OTULIN: variants seen among roughly 807,000 people sequenced by gnomAD.
OTULIN encodes the protein OTU deubiquitinase with linear linkage specificity, also known as ubiquitin thioesterase otulin.
In OTULIN, 15 loss-of-function variants were observed where a neutral mutation model predicts 39.6. That is an observed-to-expected ratio of 0.38 (90% CI 0.25 to 0.58). The LOEUF (loss-of-function observed/expected upper bound fraction) is 0.58. OTULIN is among the 20% of genes least tolerant of loss of function. The pLI is 0.66. For missense variants in OTULIN, 319 were observed against 445.9 expected, an observed-to-expected ratio of 0.72 and a Z score of 2.56; for synonymous variants, 156 against 170.3, an observed-to-expected ratio of 0.92 and a Z score of 0.65.
At chr5:14,667,431 G>T (rs1735878176) in intron 1 of OTULIN, among the ~76,000 whole-genome samples, 1 of 152,224 alleles carries the variant, frequency 6.6e-6, no homozygotes, top group African/African-American at 2.4e-5. Flanking sequence ...TTGGAGTGCA[G>T]TGACAATCAT....
intron 5 of OTULIN, 104 bp downstream of exon 5, chr5:14,687,750 T>C: frequency 7.1e-7 from 1 of 1,412,200 alleles, no homozygotes; most frequent in Non-Finnish European, 9.4e-7. Flanking sequence ...TCAAATGCTC[T>C]TGGCTGATTT....
At chr5:14,678,823 A>C in intron 3 of OTULIN, 48 bp downstream of exon 3, 1 of 1,285,194 alleles carries the variant, frequency 7.8e-7, no homozygotes, top group Non-Finnish European at 1.1e-6. Flanking sequence ...ATAGTCTATC[A>C]TAAGTTGTTT....
intron 6 of OTULIN, among the ~76,000 whole-genome samples, 196 bp from the exon 7 acceptor site, chr5:14,692,658 T>C (rs375628359): frequency 4.0e-5 from 6 of 150,766 alleles, no homozygotes; most frequent in African/African-American, 9.8e-5. Context: ...ATCAGACATA[T>C]GATCCATTCT....
intron 2 of OTULIN, among the ~76,000 whole-genome samples, chr5:14,674,774 A>T (rs147127325): frequency 1.9e-4 from 29 of 152,264 alleles, no homozygotes; most frequent in African/African-American, 6.5e-4. Flanking sequence ...AAAAAATAAA[A>T]ATATAAACCT....
rs1465667777 is a variant in OTULIN, at chr5:14,698,472, C to T, written c.*5424C>T. 6.6e-6 allele frequency: 1 copy of T among 152,266 alleles called. No homozygotes were observed. Among genetic ancestry groups the T allele is most frequent in the East Asian group, 1.9e-4 (1 of 5,204 alleles). 9.4% of individuals were successfully genotyped at this position (152,266 alleles called of 1,614,324 possible). A position where few individuals can be genotyped will look rare whatever the true frequency, so the allele number is the denominator to read the frequency against. ...CCTGGGGCCAGAGTTTCCTCTGTTA[C>T]TTGTTGAGTCTCTTGTCTTCACTGT... On this transcript the variant is annotated 3_prime_UTR_variant, in exon 7 of 7. Coordinates refer to ENST00000284274, the MANE Select transcript of OTULIN (RefSeq NM_138348.6).
rs757226026 is a variant in OTULIN, at chr5:14,678,670, T to A, written c.230-11T>A. ...ATTATTTGCTTTTTTTTTTTTTAAATTCTTTAACAGAACCGAGATTAAGCG... is the reference window on the plus strand; with the variant it reads ...ATTATTTGCTTTTTTTTTTTTTAAAATCTTTAACAGAACCGAGATTAAGCG... On this transcript the variant is annotated splice_polypyrimidine_tract_variant and intron_variant, in intron 2 of 6. Transcript: ENST00000284274. The A allele has an allele frequency of 6.5e-7, 1 of 1,540,732 alleles. No homozygotes were observed. The highest frequency in any genetic ancestry group is 2.3e-5 in the East Asian group (1 of 43,794).
chr5:14,706,218 T>C, the OTULIN span: 1 of 152,150 alleles, frequency 6.6e-6, no homozygotes, highest in Admixed American at 6.5e-5. Flanking sequence ...AGGTACTATA[T>C]AAAAAAAATT....
chr5:14,707,983 G>C, the OTULIN span: 1 of 152,200 alleles, frequency 6.6e-6, no homozygotes, highest in Non-Finnish European at 1.5e-5. Flanking sequence ...AAACGGGAGA[G>C]TTTCCTGCCA....
At chr5:14,704,155 C>T (rs1372428247), downstream of OTULIN, among the ~76,000 whole-genome samples, 2 of 151,766 alleles carry the variant, frequency 1.3e-5, no homozygotes, top group Non-Finnish European at 2.9e-5. Context: ...CATGGTGAAA[C>T]CCCGTCTCTA....
chr5:14,673,764 C>T, intron 2 of OTULIN, 46 bp downstream of exon 2: 1 of 1,502,130 alleles, frequency 6.7e-7, no homozygotes. Flanking sequence ...TTGTTTATAG[C>T]AGAAAATGCA....
At position 14,690,777 on chromosome 5, in the gene OTULIN, GGA is replaced by G. The variant is rs139397303; in HGVS notation, c.864+470_864+471del. Among the ~76,000 whole-genome samples the G allele has an allele frequency of 0.014, 2,127 of 152,222 alleles. 60 individuals are homozygous for G. Among genetic ancestry groups the G allele is most frequent in the African/African-American group, 0.049 (2,030 of 41,516 alleles). ...GATGCATTCCACTCTCAAGAGGAGG[GGA>G]ATTTGGCTCCACCTTTTTGAATGAG... On this transcript the variant is annotated intron_variant, in intron 6 of 6. Transcript: ENST00000284274. This position sits in a 1 kb window ranked among gnomAD's most constrained non-coding sequence, Gnocchi z 4.5.
intron 4 of OTULIN, among the ~76,000 whole-genome samples, chr5:14,684,510 A>G (rs969876422): frequency 2.6e-5 from 4 of 152,002 alleles, no homozygotes; most frequent in African/African-American, 4.8e-5. Flanking sequence ...TGGCCCGCAG[A>G]CCCTCCTGTG....
In OTULIN at chr5:14,681,547, C is replaced by T. The variant is rs1736250095; in HGVS notation, c.408C>T (p.Phe136=). 6.2e-7 allele frequency: 1 copy of T among 1,614,048 alleles called. No homozygotes were observed. Residue 136 remains phenylalanine (F), a synonymous_variant, in exon 4 of 7, where the codon TTC becomes TTT. Coordinates refer to ENST00000284274, the MANE Select transcript of OTULIN (RefSeq NM_138348.6). ...DNYCALRATL[F]QAMSQAVGLP... Reference sequence around the variant, plus strand: ...ACTGTGCACTGAGGGCCACGCTGTTCCAGGCCATGAGCCAGGCTGTGGGGC... The same window carrying T: ...ACTGTGCACTGAGGGCCACGCTGTTTCAGGCCATGAGCCAGGCTGTGGGGC...
rs200312937 is a variant in OTULIN, at chr5:14,671,297, GT to G, written c.153-2341del. ...AGCCACAGATTTTGCTCGAAGTACAGTTTTCGTAGACTTAGACTAAAGAACT... is the reference window on the plus strand; with the variant it reads ...AGCCACAGATTTTGCTCGAAGTACAGTTTCGTAGACTTAGACTAAAGAACT... On this transcript the variant is annotated intron_variant, in intron 1 of 6. Coordinates refer to ENST00000284274, the MANE Select transcript of OTULIN (RefSeq NM_138348.6). Among the ~76,000 whole-genome samples the G allele has an allele frequency of 1.0e-2, 1,520 of 152,284 alleles. 28 individuals carry two copies. Among genetic ancestry groups the G allele is most frequent in the African/African-American group, 0.034 (1,432 of 41,542 alleles).
Position 14,664,775 on chromosome 5 carries a change from G to A in OTULIN, c.-51G>A. On this transcript the variant is annotated 5_prime_UTR_variant, in exon 1 of 7. Transcript: ENST00000284274. The stretch of plus-strand genomic sequence containing the variant: ...CACTGCCTGGCACCCCGACGGGAGG[G>A]GCTCCGGATCGTTCGGAGCCGGCTG... 32 of 1,135,734 alleles carry A rather than the reference G, an allele frequency of 2.8e-5. No homozygotes were observed. The highest frequency in any genetic ancestry group is 3.5e-5 in the Non-Finnish European group (32 of 925,468). 70.4% of individuals were successfully genotyped at this position (1,135,734 alleles called of 1,614,324 possible). A position where few individuals can be genotyped will look rare whatever the true frequency, so the allele number is the denominator to read the frequency against.
At chr5:14,712,882 G>T in the OTULIN span, 2 of 1,609,410 alleles carry the variant, frequency 1.2e-6, no homozygotes, top group Admixed American at 1.7e-5. Flanking sequence ...ACCTGCTTCC[G>T]GTAGACATAG....
At chr5:14,714,035 G>T in the OTULIN span, among the ~76,000 whole-genome samples, 2 of 152,260 alleles carry the variant, frequency 1.3e-5, no homozygotes, top group Non-Finnish European at 2.9e-5. Flanking sequence ...GAGAAAAGTG[G>T]CACTCTAGTG....
At chr5:14,667,975 A>AGT (rs1735892753) in intron 1 of OTULIN, among the ~76,000 whole-genome samples, 1 of 152,144 alleles carries the variant, frequency 6.6e-6, no homozygotes, top group Non-Finnish European at 1.5e-5. Context: ...TAGGCCAGAA[A>AGT]TGCTTAGGGA....
chr5:14,701,899 C>T (rs1257026930), downstream of OTULIN, among the ~76,000 whole-genome samples: 3 of 152,178 alleles, frequency 2.0e-5, no homozygotes, highest in Admixed American at 2.0e-4. Flanking sequence ...GCTCATCAGG[C>T]CAGGGTTTCT....
Sources: allele counts gnomAD v4.1 joint callset (sites outside exome capture counted in the v4.1 genomes callset), GRCh38; gene constraint gnomAD v4.1.1; non-coding constraint Gnocchi (gnomAD v3.1); transcripts MANE v1.5; gene names NCBI Gene and HGNC (gene_info 2026-07-23, HGNC 2026-07-21).